SERINC2: variants seen among roughly 807,000 people sequenced by gnomAD.
SERINC2 encodes the protein tumor differentially expressed protein 2.
Under a neutral mutation model 54.2 loss-of-function variants are expected in SERINC2, and 56 were observed. The observed-to-expected ratio is 1.03, with a 90% confidence interval of 0.83 to 1.29. SERINC2 has a LOEUF of 1.29. SERINC2 is among the 50% of genes most tolerant of loss of function. SERINC2 has a pLI of 0.00. For synonymous variants in SERINC2, 272 were observed against 253.1 expected (o/e 1.07, Z -0.71); for missense variants, 614 against 607.4 (o/e 1.01, Z -0.12).
intron 8 of SERINC2, among the ~76,000 whole-genome samples, chr1:31,431,853 G>A (rs1553134550): frequency 6.7e-6 from 1 of 149,150 alleles, no homozygotes; most frequent in African/African-American, 2.5e-5. Flanking sequence ...GGGTGGATAG[G>A]GTGGATAGGG....
At chr1:31,410,189 C>T, upstream of SERINC2, 1 of 1,437,252 alleles carries the variant, frequency 7.0e-7, no homozygotes, top group Non-Finnish European at 9.1e-7. Context: ...CACATAGCTG[C>T]TGACTGTGAC....
chr1:31,417,612 A>T (rs1553132348), intron 1 of SERINC2, among the ~76,000 whole-genome samples: 1 of 152,204 alleles, frequency 6.6e-6, no homozygotes, highest in African/African-American at 2.4e-5. Context: ...TGACACTGTT[A>T]TGCAACCATC....
At chr1:31,432,920 G>C (rs59550534) in intron 8 of SERINC2, 47 bp from the exon 9 acceptor site, 50,633 of 1,454,552 alleles carry the variant, frequency 0.035, 3,408 homozygotes, top group East Asian at 0.23. Context: ...AGTGTTATGA[G>C]CAACGCCAGA....
At chr1:31,412,988 A>G (rs1640677864), upstream of SERINC2, 1 of 214,354 alleles carries the variant, frequency 4.7e-6, no homozygotes, top group Non-Finnish European at 8.2e-6. Flanking sequence ...CTCACTTTGG[A>G]GCAGGATGCG....
chr1:31,418,315 G>A (rs1452164493), intron 1 of SERINC2, among the ~76,000 whole-genome samples: 6 of 152,122 alleles, frequency 3.9e-5, no homozygotes, highest in Non-Finnish European at 8.8e-5. Context: ...GTGTAAATAT[G>A]TGAGTCCCTG....
intron 9 of SERINC2, 98 bp downstream of exon 9, chr1:31,433,283 T>C (rs561022585): frequency 9.6e-7 from 1 of 1,047,058 alleles, no homozygotes; most frequent in South Asian, 1.4e-5. Context: ...TGATGTCTGC[T>C]TAAGGCTTGG....
chr1:31,425,986 G>A (rs781783999), intron 5 of SERINC2, 73 bp downstream of exon 5: 3 of 1,505,784 alleles, frequency 2.0e-6, no homozygotes, highest in Non-Finnish European at 2.7e-6. Flanking sequence ...AGAAATCGAG[G>A]GTCCTTGAAG....
intron 1 of SERINC2, 108 bp from the exon 2 acceptor site, chr1:31,423,585 G>A: frequency 8.5e-7 from 1 of 1,172,748 alleles, no homozygotes; most frequent in South Asian, 1.5e-5. Flanking sequence ...GGGGAACAGT[G>A]TGCTCCTGCC....
At chr1:31,431,880 G>A (rs1570066229) in intron 8 of SERINC2, among the ~76,000 whole-genome samples, 14 of 148,864 alleles carry the variant, frequency 9.4e-5, no homozygotes, top group Admixed American at 6.0e-4. Context: ...GGGTGGACAG[G>A]GTGGACAGGG....
At chr1:31,431,797 AGGGT>A (rs1557499827) in intron 8 of SERINC2, among the ~76,000 whole-genome samples, 40 of 140,098 alleles carry the variant, frequency 2.9e-4, no homozygotes, top group South Asian at 1.5e-3. Flanking sequence ...TAGGGTGGAT[AGGGT>A]GGACAGGGTG....
chr1:31,413,297 T>A lies in SERINC2; in HGVS notation c.32T>A (p.Leu11His). The change falls in exon 1 of 10, where the codon CTC (leucine) becomes CAC (histidine). Residue 11 changes from leucine (L) to histidine (H), a missense_variant. Leu to His is a moderately conservative substitution (Grantham distance 99). Transcript: ENST00000373709. The surrounding 1 kb of genome is among the most constrained non-coding windows in gnomAD (Gnocchi z 5.0). ...GCCTGCCTGGGAGCCTGCTCCCTGCTCAGCTGCGTGAGTCCCGACCCCGGC... is the reference window on the plus strand; with the variant it reads ...GCCTGCCTGGGAGCCTGCTCCCTGCACAGCTGCGTGAGTCCCGACCCCGGC... Reference protein sequence around the residue: MGACLGACSLLSCASCLCGSA... With the variant: MGACLGACSLHSCASCLCGSA... 1 of 1,274,376 alleles carries A rather than the reference T, an allele frequency of 7.8e-7. No individual in the cohort carries two copies. Among genetic ancestry groups the A allele is most frequent in the Non-Finnish European group, 9.9e-7 (1 of 1,012,542 alleles). The allele number at this position is 1,274,376 out of a possible 1,614,324, so 78.9% of individuals were successfully genotyped here. A position where few individuals can be genotyped will look rare whatever the true frequency, so the allele number is the denominator to read the frequency against.
At chr1:31,418,243 A>G (rs942211428) in intron 1 of SERINC2, among the ~76,000 whole-genome samples, 1 of 152,180 alleles carries the variant, frequency 6.6e-6, no homozygotes, top group South Asian at 2.1e-4. Context: ...TCGTCCACCA[A>G]TGGACATTTA....
intron 1 of SERINC2, among the ~76,000 whole-genome samples, chr1:31,415,024 C>A (rs1316723304): frequency 6.6e-6 from 1 of 152,204 alleles, no homozygotes; most frequent in African/African-American, 2.4e-5. Context: ...GTGCTGGTCT[C>A]TGAGTTACAG....
At chr1:31,431,778 TAGGGTGGATAGGGTGGATAGGGTGGAC>T (rs1641217041) in intron 8 of SERINC2, among the ~76,000 whole-genome samples, 1 of 9,916 alleles carries the variant, frequency 1.0e-4, no homozygotes, top group East Asian at 2.5e-3. Flanking sequence ...AGAGGGTGAA[TAGGGTGGATAGGGTGGATAGGGTGGAC>T]AGGGTGGACA....
chr1:31,410,411 G>A (rs1640628454), upstream of SERINC2: 2 of 1,548,642 alleles, frequency 1.3e-6, no homozygotes, highest in East Asian at 2.4e-5. Context: ...TGAGAGAGGA[G>A]GAGTCACCCG....
chr1:31,430,593 C>T (rs1421429161), intron 8 of SERINC2, among the ~76,000 whole-genome samples: 1 of 152,098 alleles, frequency 6.6e-6, no homozygotes, highest in African/African-American at 2.4e-5. Context: ...ATCACTTGAG[C>T]CTGGGAGTTT....
chr1:31,413,724 C>CG lies in SERINC2; in HGVS notation c.39+420_39+421insG. 7.6e-7 allele frequency: 1 copy of CG among 1,318,236 alleles called. No homozygotes were observed. Among genetic ancestry groups the CG allele is most frequent in the South Asian group, 2.0e-5 (1 of 50,336 alleles). 81.7% of individuals were successfully genotyped at this position (1,318,236 alleles called of 1,614,324 possible). A position where few individuals can be genotyped will look rare whatever the true frequency, so the allele number is the denominator to read the frequency against. On this transcript the variant is annotated intron_variant, in intron 1 of 9. Transcript: ENST00000373709. This position sits in a 1 kb window ranked among gnomAD's most constrained non-coding sequence, Gnocchi z 5.0. ...GGTTCTCTGTGTAGGTCGCCCGGGC[C>CG]CCGTCCCTCCTGGCGAGTGCCCTGC...
rs1557495815 is a variant in SERINC2, at chr1:31,426,822, AGGTGAGCCTGCCTGACCCC to A, written c.780_780+18del. The A allele has an allele frequency of 6.2e-7, 1 of 1,612,520 alleles. No individual in the cohort carries two copies. The highest frequency in any genetic ancestry group is 1.1e-5 in the South Asian group (1 of 91,028). ...ATCGCTGCTGTCCTGCCCAAGGTCC[AGGTGAGCCTGCCTGACCCC>A]CCCTGGCCTGAAGCCCGGCCCCTTA... On this transcript the variant is annotated splice_donor_variant and splice_donor_5th_base_variant and coding_sequence_variant and intron_variant, in exon 6 of 10. Transcript: ENST00000373709. LOFTEE classifies it high-confidence loss of function.
chr1:31,432,824 T>C (rs1028024004), intron 8 of SERINC2, 143 bp from the exon 9 acceptor site: 19 of 633,882 alleles, frequency 3.0e-5, no homozygotes, highest in African/African-American at 7.3e-5. Context: ...GGGGTAGGGG[T>C]AGAGTTGAGA....
Sources: gnomAD v4.1 joint callset for allele counts (sites outside exome capture counted in the v4.1 genomes callset) on GRCh38, gnomAD v4.1.1 for gene constraint, Gnocchi (gnomAD v3.1) non-coding constraint, MANE v1.5 for transcripts, NCBI Gene and HGNC (gene_info 2026-07-23, HGNC 2026-07-21) for gene names.